The following NCEH1 variants were observed in gnomAD, a reference collection of about 807,000 sequenced individuals.
NCEH1 encodes the protein neutral cholesterol ester hydrolase 1, also known as 2-acetyl MAGE hydrolase.
In NCEH1, 9 loss-of-function variants were observed where a neutral mutation model predicts 25.4. That is an observed-to-expected ratio of 0.35 (90% confidence interval 0.21 to 0.62). The LOEUF (loss-of-function observed/expected upper bound fraction) is 0.62, where lower values mean the gene tolerates loss of function less well. Among genes scored for constraint, NCEH1 ranks in the 20% least tolerant of loss-of-function variants. NCEH1 has a pLI of 0.72. For synonymous variants in NCEH1, 200 were observed against 199.8 expected (o/e 1.00, Z -0.01); for missense variants, 412 against 501.1 (o/e 0.82, Z 1.70).
In NCEH1 at chr3:172,692,731, G is replaced by A. The variant is rs148542186; in HGVS notation, c.138+18116C>T. Among the ~76,000 whole-genome samples the A allele has an allele frequency of 3.9e-4, 59 of 152,286 alleles. No homozygotes were observed. In the East Asian group the frequency reaches 0.01, roughly 27 times the overall value. ...GTAATACTTACTCTTGATGTTGGTT[G>A]TGTGCTTTCATCATCCTATTATTAG... is the stretch of plus-strand genomic sequence containing the variant. On this transcript the variant is annotated intron_variant, in intron 1 of 4. Transcript: ENST00000475381.
rs373507616 is a variant in NCEH1, at chr3:172,647,950, G to A, written c.303C>T (p.Pro101=). The change falls in exon 2 of 5, where the codon CCC becomes CCT. Residue 101 remains proline (P), a synonymous_variant. Transcript: ENST00000475381. ...EVRVFEGPPK[P]EEPLKRSVVY... Reference sequence around the variant, plus strand: ...CGACGCTGCGTTTCAGTGGCTCTTCGGGCTTCGGAGGGCCTTCAAACACTC... The same window carrying A: ...CGACGCTGCGTTTCAGTGGCTCTTCAGGCTTCGGAGGGCCTTCAAACACTC... 9 of 1,614,110 alleles carry A rather than the reference G, an allele frequency of 5.6e-6. No homozygotes were observed. Among genetic ancestry groups the A allele is most frequent in the African/African-American group, 5.3e-5 (4 of 75,026 alleles).
chr3:172,704,816 C>T (rs1713887191), intron 1 of NCEH1, among the ~76,000 whole-genome samples: 1 of 152,100 alleles, frequency 6.6e-6, no homozygotes, highest in African/African-American at 2.4e-5. Flanking sequence ...ACTCTCCCTC[C>T]TATGAGACTT....
At chr3:172,675,137 C>CATGGT (rs1711894055) in intron 1 of NCEH1, among the ~76,000 whole-genome samples, 1 of 151,966 alleles carries the variant, frequency 6.6e-6, no homozygotes, top group South Asian at 2.1e-4. Context: ...TGGTGAAACC[C>CATGGT]CAGCTCTACC....
At chr3:172,634,556 G>T (rs546883638) in intron 4 of NCEH1, among the ~76,000 whole-genome samples, 45 of 152,176 alleles carry the variant, frequency 3.0e-4, no homozygotes, top group Non-Finnish European at 2.6e-4. Context: ...AGGACCTCAG[G>T]GTATGCTTTC....
chr3:172,691,602 G>A (rs949781620), intron 1 of NCEH1, among the ~76,000 whole-genome samples: 5 of 152,288 alleles, frequency 3.3e-5, no homozygotes, highest in Admixed American at 2.6e-4. Context: ...AATTACTTAG[G>A]AGTAATTAAA....
At chr3:172,678,089 GAAAAGGTTTAAA>G in intron 1 of NCEH1, among the ~76,000 whole-genome samples, 1 of 152,276 alleles carries the variant, frequency 6.6e-6, no homozygotes, top group South Asian at 2.1e-4. Flanking sequence ...CACTTAAGAT[GAAAAGGTTTAAA>G]AATCAGGGTA....
At chr3:172,680,599 G>A (rs1237321202) in intron 1 of NCEH1, 1 of 151,988 alleles carries the variant, frequency 6.6e-6, no homozygotes, top group East Asian at 1.9e-4. Flanking sequence ...CAAATCTCAG[G>A]GGACCCATGA....
intron 1 of NCEH1, among the ~76,000 whole-genome samples, chr3:172,650,648 C>CAAAAA (rs34027626): frequency 8.4e-6 from 1 of 119,538 alleles, no homozygotes; most frequent in Non-Finnish European, 1.7e-5. Flanking sequence ...GACTCCGTCT[C>CAAAAA]AAAAAAAAAA....
chr3:172,650,414 T>C (rs1237109545), intron 1 of NCEH1, among the ~76,000 whole-genome samples: 5 of 151,204 alleles, frequency 3.3e-5, no homozygotes, highest in Non-Finnish European at 1.5e-5. Context: ...GAGGCCAAGA[T>C]GGGCGGATCA....
At chr3:172,676,041 A>G (rs566413979) in intron 1 of NCEH1, among the ~76,000 whole-genome samples, 2 of 152,180 alleles carry the variant, frequency 1.3e-5, no homozygotes, top group Non-Finnish European at 2.9e-5. Flanking sequence ...AGAAGGCCCA[A>G]CTGCTGCTCC....
At chr3:172,689,872 TTTTTTTA>T (rs1311325922) in intron 1 of NCEH1, among the ~76,000 whole-genome samples, 11 of 151,026 alleles carry the variant, frequency 7.3e-5, no homozygotes, top group South Asian at 4.2e-4. Flanking sequence ...CCCTCAAGCA[TTTTTTTA>T]TTTTTTATTT....
chr3:172,649,937 C>A (rs1316258451), intron 1 of NCEH1, among the ~76,000 whole-genome samples: 2 of 152,154 alleles, frequency 1.3e-5, no homozygotes, highest in South Asian at 2.1e-4. Context: ...ACATGAGTTT[C>A]TTTAACTATA....
chr3:172,675,941 G>T (rs1258530768), intron 1 of NCEH1, among the ~76,000 whole-genome samples: 1 of 151,884 alleles, frequency 6.6e-6, no homozygotes, highest in African/African-American at 2.4e-5. Flanking sequence ...ATCTCTTTTC[G>T]CCTAGAAGCA....
intron 1 of NCEH1, among the ~76,000 whole-genome samples, chr3:172,674,653 A>G (rs1299450377): frequency 6.6e-6 from 1 of 152,176 alleles, no homozygotes; most frequent in African/African-American, 2.4e-5. Context: ...GGGAAATGTT[A>G]TATCTTGGCA....
intron 1 of NCEH1, among the ~76,000 whole-genome samples, chr3:172,703,823 T>C (rs1015244904): frequency 2.0e-5 from 3 of 152,206 alleles, no homozygotes; most frequent in Admixed American, 6.5e-5. Flanking sequence ...TAATGTTTCA[T>C]AGGTACTATC....
intron 3 of NCEH1, among the ~76,000 whole-genome samples, chr3:172,638,342 A>G (rs1373371669): frequency 6.7e-6 from 1 of 148,740 alleles, no homozygotes; most frequent in Non-Finnish European, 1.5e-5. Flanking sequence ...GATAAAATAA[A>G]TTTTCTAATT....
At chr3:172,707,543 G>A (rs1714071384) in intron 1 of NCEH1, among the ~76,000 whole-genome samples, 1 of 152,088 alleles carries the variant, frequency 6.6e-6, no homozygotes. Context: ...CTCAAGTTTT[G>A]CTGCAATGAA....
In NCEH1 at chr3:172,648,126, G is replaced by A. The variant is rs2302816; in HGVS notation, c.139-12C>T. 202 of 1,613,744 alleles carry A rather than the reference G, an allele frequency of 1.3e-4. No individual in the cohort carries two copies. The East Asian group carries it at 3.4e-3, about 27-fold the overall frequency. ...TGGATCAGGTTACTCTGCAGGGCGA[G>A]GGAGGAAATAAAGAGGGAGGGCGCA... On this transcript the variant is annotated splice_polypyrimidine_tract_variant and intron_variant, in intron 1 of 4. Transcript: ENST00000475381.
At chr3:172,636,596 C>T (rs1025368926) in intron 3 of NCEH1, among the ~76,000 whole-genome samples, 2 of 152,188 alleles carry the variant, frequency 1.3e-5, no homozygotes, top group Admixed American at 1.3e-4. Flanking sequence ...ATTAGCCTGA[C>T]ATTAAACCCA....
Sources: allele counts gnomAD v4.1 joint callset (sites outside exome capture counted in the v4.1 genomes callset), GRCh38; gene constraint gnomAD v4.1.1; transcripts MANE v1.5; gene names NCBI Gene and HGNC (gene_info 2026-07-23, HGNC 2026-07-21).